The following NSRP1 variants were observed in gnomAD, a reference collection of about 807,000 sequenced individuals.
The protein encoded by NSRP1 is nuclear speckle splicing regulatory protein 1.
NSRP1 carries 24 observed loss-of-function variants against 54.7 expected under a neutral mutation model. The observed-to-expected ratio is 0.44, with a 90% CI of 0.32 to 0.62. The LOEUF (loss-of-function observed/expected upper bound fraction) is 0.62, where lower values mean the gene tolerates loss of function less well. Ranked by LOEUF, NSRP1 falls within the 20% of genes least tolerant of loss-of-function variation. The pLI, the probability that NSRP1 is intolerant of heterozygous loss-of-function variation, is 0.06. For synonymous variants in NSRP1, 210 were observed against 213.8 expected (o/e 0.98, Z 0.15); for missense variants, 596 against 651.2 (o/e 0.92, Z 0.92).
chr17:30,141,800 C>T (rs2071807970), intron 2 of NSRP1, among the ~76,000 whole-genome samples: 1 of 152,092 alleles, frequency 6.6e-6, no homozygotes, highest in Non-Finnish European at 1.5e-5. Context: ...CTCAGGAGTT[C>T]AAGACCAGCC....
At chr17:30,126,358 A>G (rs755408220) in intron 2 of NSRP1, among the ~76,000 whole-genome samples, 1 of 152,044 alleles carries the variant, frequency 6.6e-6, no homozygotes, top group Non-Finnish European at 1.5e-5. Context: ...CATTTTTTTA[A>G]TGTCCAAATT....
chr17:30,181,887 T>G (rs866413324), intron 6 of NSRP1, among the ~76,000 whole-genome samples: 7 of 151,804 alleles, frequency 4.6e-5, no homozygotes, highest in African/African-American at 1.7e-4. Flanking sequence ...TGGGATTATA[T>G]GCATGAGCCA....
intron 2 of NSRP1, among the ~76,000 whole-genome samples, chr17:30,171,997 C>G (rs955759451): frequency 8.2e-6 from 1 of 122,354 alleles, no homozygotes; most frequent in African/African-American, 2.5e-5. Context: ...CTCTCTCTCT[C>G]TCTCTCTCTC....
intron 2 of NSRP1, among the ~76,000 whole-genome samples, chr17:30,171,981 CTCTCTCTCT>C (rs1904962394): frequency 1.0e-5 from 1 of 96,398 alleles, no homozygotes; most frequent in African/African-American, 3.2e-5. Context: ...CACTCCCTCT[CTCTCTCTCT>C]CTCTCTCTCT....
At chr17:30,126,615 G>A (rs1253338933) in intron 2 of NSRP1, among the ~76,000 whole-genome samples, 1 of 152,170 alleles carries the variant, frequency 6.6e-6, no homozygotes, top group Non-Finnish European at 1.5e-5. Flanking sequence ...TTGAAACAGA[G>A]TCTTGTTCTA....
Position 30,163,249 on chromosome 17 carries a change from T to TGTGTG in NSRP1, c.115-9293_115-9292insGTGTG, listed in dbSNP as rs1567801752. On this transcript the variant is annotated intron_variant, in intron 2 of 6. Transcript: ENST00000247026. ...TGTGTGTGTGTGTGTGTGTGTGTGT[T>TGTGTG]TTTAGTAGAGACGGGGTTTTACCAT... The TGTGTG allele has an allele frequency of 5.4e-4, 62 of 113,804 alleles. 3 individuals are homozygous for TGTGTG. Among genetic ancestry groups the TGTGTG allele is most frequent in the African/African-American group, 2.6e-3 (61 of 23,794 alleles). The allele number at this position is 113,804 out of a possible 1,614,324, so 7.0% of individuals were successfully genotyped here.
At chr17:30,135,086 G>T (rs1040922352) in intron 2 of NSRP1, among the ~76,000 whole-genome samples, 1 of 152,072 alleles carries the variant, frequency 6.6e-6, no homozygotes, top group African/African-American at 2.4e-5. Flanking sequence ...AATTTGTGGA[G>T]TGGCTTTTAC....
chr17:30,185,632 G>A lies in NSRP1; in HGVS notation c.1635G>A (p.Ala545=), dbSNP rs776166193. Residue 545 remains alanine, a synonymous_variant, in exon 7 of 7, where the codon GCG becomes GCA. Transcript: ENST00000247026. ...ACAGGTACTTGGCCAGGCAGATGGC[G>A]CGGGTTAATGCAAAGACCTATATTG... is the stretch of plus-strand genomic sequence containing the variant. ...ARDRYLARQM[A]RVNAKTYIEK... 1.7e-5 allele frequency: 27 copies of A among 1,609,772 alleles called. No homozygotes were observed. Among genetic ancestry groups the A allele is most frequent in the Middle Eastern group, 1.7e-4 (1 of 6,058 alleles).
chr17:30,164,470 G>A (rs1904659184), intron 2 of NSRP1, among the ~76,000 whole-genome samples: 1 of 151,804 alleles, frequency 6.6e-6, no homozygotes, highest in Admixed American at 6.6e-5. Flanking sequence ...AGTAAATTTT[G>A]TCTCCCTAAA....
At chr17:30,134,755 A>T (rs1460368318) in intron 2 of NSRP1, among the ~76,000 whole-genome samples, 1 of 152,240 alleles carries the variant, frequency 6.6e-6, no homozygotes, top group African/African-American at 2.4e-5. Context: ...GAATTTCCAG[A>T]GTTTCAGAGA....
At chr17:30,129,341 A>C (rs1027119676) in intron 2 of NSRP1, among the ~76,000 whole-genome samples, 1 of 151,922 alleles carries the variant, frequency 6.6e-6, no homozygotes, top group Non-Finnish European at 1.5e-5. Flanking sequence ...ACTTTTTAGC[A>C]TGGTAGTGTG....
chr17:30,171,934 TCACACACACACA>T (rs746244255), intron 2 of NSRP1, among the ~76,000 whole-genome samples: 22 of 113,420 alleles, frequency 1.9e-4, no homozygotes, highest in South Asian at 3.2e-4. Flanking sequence ...TCCCCATTTC[TCACACACACACA>T]CACACACACA....
At chr17:30,136,671 T>C (rs1257133660) in intron 2 of NSRP1, among the ~76,000 whole-genome samples, 2 of 152,192 alleles carry the variant, frequency 1.3e-5, no homozygotes, top group African/African-American at 4.8e-5. Flanking sequence ...AATCTGTGTT[T>C]TAGAATCAGA....
intron 2 of NSRP1, among the ~76,000 whole-genome samples, chr17:30,120,878 A>G (rs1165838510): frequency 6.6e-6 from 1 of 152,256 alleles, no homozygotes; most frequent in Non-Finnish European, 1.5e-5. Flanking sequence ...GTAGCGTTAC[A>G]GAATGTGAAT....
chr17:30,168,515 T>A (rs893364321), intron 2 of NSRP1, among the ~76,000 whole-genome samples: 1 of 150,886 alleles, frequency 6.6e-6, no homozygotes, highest in Non-Finnish European at 1.5e-5. Flanking sequence ...TTACATAGTA[T>A]AATTATTATG....
chr17:30,181,367 A>G (rs1446272374), intron 6 of NSRP1, among the ~76,000 whole-genome samples: 1 of 151,462 alleles, frequency 6.6e-6, no homozygotes, highest in Non-Finnish European at 1.5e-5. Flanking sequence ...TTCAAGGGAA[A>G]GCAAAATCAA....
At chr17:30,173,155 G>T (rs985421084) in intron 3 of NSRP1, among the ~76,000 whole-genome samples, 13 of 152,178 alleles carry the variant, frequency 8.5e-5, no homozygotes, top group South Asian at 2.1e-4. Context: ...GTAGAGACGG[G>T]GTTTCACCGT....
intron 2 of NSRP1, among the ~76,000 whole-genome samples, chr17:30,155,889 G>A (rs1026501694): frequency 2.0e-5 from 3 of 150,870 alleles, no homozygotes; most frequent in Non-Finnish European, 4.4e-5. Context: ...ACCCAGGCTG[G>A]AGTGCAGTGG....
intron 2 of NSRP1, among the ~76,000 whole-genome samples, chr17:30,157,083 G>A (rs547366119): frequency 1.3e-5 from 2 of 152,186 alleles, no homozygotes; most frequent in South Asian, 2.1e-4. Flanking sequence ...TTTCCATAAT[G>A]GCTGTACTAA....
Sources: allele counts gnomAD v4.1 joint callset (sites outside exome capture counted in the v4.1 genomes callset), GRCh38; gene constraint gnomAD v4.1.1; transcripts MANE v1.5; gene names NCBI Gene and HGNC (gene_info 2026-07-23, HGNC 2026-07-21).